SLC5A6: variants seen among roughly 807,000 people sequenced by gnomAD.
SLC5A6 encodes solute carrier family 5 member 6, also known as sodium-dependent multivitamin transporter.
SLC5A6 carries 31 observed loss-of-function variants against 67.9 expected under a neutral mutation model. The ratio of observed to expected loss-of-function variants is 0.46; its 90% CI spans 0.34 to 0.62. The LOEUF (loss-of-function observed/expected upper bound fraction) is 0.62, where lower values mean the gene tolerates loss of function less well. Among genes scored for constraint, SLC5A6 ranks in the 20% least tolerant of loss-of-function variants. The pLI is 0.01. For synonymous variants in SLC5A6, 343 were observed against 331.0 expected (o/e 1.04, Z -0.39); for missense variants, 673 against 812.8 (o/e 0.83, Z 2.09).
intron 12 of SLC5A6, 97 bp downstream of exon 12, chr2:27,202,716 C>T (rs897984952): frequency 1.5e-5 from 16 of 1,062,122 alleles, no homozygotes; most frequent in Non-Finnish European, 2.0e-5. Context: ...GCCTGCCCCC[C>T]GGTCATTCCC....
rs775143012 is a variant in SLC5A6, at chr2:27,200,421, G to A, written c.*15C>T. The A allele has an allele frequency of 2.5e-6, 4 of 1,602,588 alleles. No individual in the cohort carries two copies. The highest frequency in any genetic ancestry group is 2.6e-6 in the Non-Finnish European group (3 of 1,173,820). ...CCTGGCACAGTGAGGACAGAGGCGG[G>A]GTCCTGAGTCAACATCACAGGGAGG... On this transcript the variant is annotated 3_prime_UTR_variant, in exon 17 of 17. Coordinates refer to ENST00000310574, the MANE Select transcript of SLC5A6 (RefSeq NM_021095.4).
chr2:27,203,494 G>A (rs2580761), intron 10 of SLC5A6, 149 bp from the exon 11 acceptor site: 163,912 of 691,234 alleles, frequency 0.24, 21,201 homozygotes, highest in Admixed American at 0.42. Context: ...ACCTCAGAGC[G>A]GGCCTGGAAG....
Position 27,201,045 on chromosome 2 carries a change from G to A in SLC5A6, c.1717C>T (p.Leu573Phe), listed in dbSNP as rs61737373. ...AGCCGCTTCTGACAGGACAACGGAA[G>A]GAGGGACAGGAGCTTTGGCAACACT... ...YPVLPKLLSL[L>F]PLSCQKRLHC... The change falls in exon 16 of 17, where the codon CTT (leucine) becomes TTT (phenylalanine). Residue 573 changes from leucine to phenylalanine, a missense_variant. Leu to Phe is a conservative substitution (Grantham distance 22, BLOSUM62 0). Transcript: ENST00000310574. 92,092 of 1,613,550 alleles carry A rather than the reference G, an allele frequency of 0.057. 3,054 individuals are homozygous for A. Among genetic ancestry groups the A allele is most frequent in the South Asian group, 0.1 (9,265 of 90,966 alleles).
At chr2:27,211,023 CAAAATAAAAATA>C (rs996159724) in intron 2 of SLC5A6, among the ~76,000 whole-genome samples, 2 of 151,982 alleles carry the variant, frequency 1.3e-5, no homozygotes, top group African/African-American at 2.4e-5. Flanking sequence ...GACTCCGTCT[CAAAATAAAAATA>C]AAAATAAAAA....
Position 27,207,467 on chromosome 2 carries a change from C to T in SLC5A6, c.184G>A (p.Ala62Thr), listed in dbSNP as rs780438376. ...GRHTVGELLM[A>T]DRKMGCLPVA... ...GGAAGGCAGCCCATTTTGCGGTCCG[C>T]CATCAGCAGCTCACCAACAGTATGC... Residue 62 changes from alanine to threonine, a missense_variant, in exon 3 of 17, where the codon GCG becomes ACG. By Grantham distance (58) the Ala-to-Thr change is moderately conservative. Transcript: ENST00000310574. This position sits in a 1 kb window ranked among gnomAD's most constrained non-coding sequence, Gnocchi z 5.5. The T allele has an allele frequency of 9.3e-6, 15 of 1,614,102 alleles. No individual in the cohort carries two copies. Among genetic ancestry groups the T allele is most frequent in the Non-Finnish European group, 3.4e-6 (4 of 1,180,056 alleles).
Position 27,212,249 on chromosome 2 carries a change from A to G in SLC5A6, c.-437T>C. The G allele has an allele frequency of 6.4e-7, 1 of 1,560,788 alleles. No individual in the cohort carries two copies. The stretch of plus-strand genomic sequence containing the variant: ...CCACGAGCAGGAAAAGCCCCCAAGC[A>G]GCCCCAGGGCGACTGGACCGGGCCG... On this transcript the variant is annotated 5_prime_UTR_variant, in exon 1 of 17. Transcript: ENST00000310574.
intron 7 of SLC5A6, 44 bp downstream of exon 7, chr2:27,205,306 G>A (rs763449564): frequency 5.0e-6 from 8 of 1,592,876 alleles, no homozygotes; most frequent in Admixed American, 3.5e-5. Flanking sequence ...TGGGCTCAGC[G>A]CCCAGGCACT....
rs1674191125 is a variant in SLC5A6, at chr2:27,207,887, A to C, written c.-140-97T>G. 1 of 559,814 alleles carries C rather than the reference A, an allele frequency of 1.8e-6. No individual in the cohort carries two copies. Among genetic ancestry groups the C allele is most frequent in the Admixed American group, 3.2e-5 (1 of 31,622 alleles). 34.7% of individuals were successfully genotyped at this position (559,814 alleles called of 1,614,324 possible). On this transcript the variant is annotated intron_variant, in intron 2 of 16. Coordinates refer to ENST00000310574, the MANE Select transcript of SLC5A6 (RefSeq NM_021095.4). This position sits in a 1 kb window ranked among gnomAD's most constrained non-coding sequence, Gnocchi z 5.5. Reference sequence around the variant, plus strand: ...GCATGCCATCAGAAGTGGACCAGCCAGCATAGTGGTAGCCCTTCAAGGTCT... The same window carrying C: ...GCATGCCATCAGAAGTGGACCAGCCCGCATAGTGGTAGCCCTTCAAGGTCT...
chr2:27,210,242 G>C (rs917887432), intron 2 of SLC5A6, among the ~76,000 whole-genome samples: 1 of 152,194 alleles, frequency 6.6e-6, no homozygotes, highest in South Asian at 2.1e-4. Context: ...CCCCAGGGAA[G>C]ACAGGAAAAA....
rs770960154 is a variant in SLC5A6, at chr2:27,206,031, C to T, written c.574G>A (p.Ala192Thr). 1 of 1,613,296 alleles carries T rather than the reference C, an allele frequency of 6.2e-7. No individual in the cohort carries two copies. The highest frequency in any genetic ancestry group is 8.5e-7 in the Non-Finnish European group (1 of 1,179,262). ...ALGIVCTVYT[A>T]LGGLKAVIWT... ...CCACGGCTTACTGCACTTACCAGAG[C>T]TGTATAGACGGTACAGACAATGCCC... is the stretch of plus-strand genomic sequence containing the variant. The change falls in exon 6 of 17, where the codon GCT becomes ACT. Residue 192 changes from alanine to threonine, a missense_variant. Physicochemically the swap from Ala to Thr is moderately conservative, Grantham distance 58. Coordinates refer to ENST00000310574, the MANE Select transcript of SLC5A6 (RefSeq NM_021095.4).
At chr2:27,212,628 C>T (rs1206574992), upstream of SLC5A6, 16 of 1,413,380 alleles carry the variant, frequency 1.1e-5, no homozygotes, top group East Asian at 3.6e-4. Context: ...CAAGTACTCA[C>T]GTCGTGCAGG....
At chr2:27,205,313 C>A in intron 7 of SLC5A6, 37 bp downstream of exon 7, 1 of 1,600,892 alleles carries the variant, frequency 6.2e-7, no homozygotes, top group Admixed American at 1.7e-5. Flanking sequence ...AGCGCCCAGG[C>A]ACTGCAGACC....
chr2:27,207,772 T>C lies in SLC5A6; in HGVS notation c.-122A>G. On this transcript the variant is annotated 5_prime_UTR_variant, in exon 3 of 17. Transcript: ENST00000310574. The surrounding 1 kb of genome is among the most constrained non-coding windows in gnomAD (Gnocchi z 5.5). ...AGTCTCACAGTCTTCCTCCACGGAG[T>C]GATACTGTCCAGGGTGAGCTGCAAA... The C allele has an allele frequency of 2.2e-6, 2 of 908,120 alleles. No homozygotes were observed. Among genetic ancestry groups the C allele is most frequent in the Non-Finnish European group, 3.3e-6 (2 of 597,782 alleles). 56.3% of individuals were successfully genotyped at this position (908,120 alleles called of 1,614,324 possible).
chr2:27,201,556 T>G, intron 14 of SLC5A6, 103 bp from the exon 15 acceptor site: 2 of 1,353,628 alleles, frequency 1.5e-6, no homozygotes, highest in Non-Finnish European at 2.1e-6. Context: ...TGGGACCCAA[T>G]ACCCAACATT....
rs1276540929 is a variant in SLC5A6, at chr2:27,207,304, A to G, written c.347T>C (p.Ile116Thr). The G allele has an allele frequency of 1.2e-6, 2 of 1,613,936 alleles. No homozygotes were observed. The highest frequency in any genetic ancestry group is 2.7e-5 in the African/African-American group (2 of 74,926). ...CAGGCGGTAGAAAACGGGGATGAAG[A>G]TGTGTGCAGGTATCAGCAGCCCCAG... ...YFLGLLIPAHIFIPVFYRLHL... is the reference protein window; with the variant it reads ...YFLGLLIPAHTFIPVFYRLHL... The change falls in exon 3 of 17, where the codon ATC (isoleucine) becomes ACC (threonine). Residue 116 changes from isoleucine to threonine, a missense_variant. Physicochemically the swap from Ile to Thr is moderately conservative, Grantham distance 89. Coordinates refer to ENST00000310574, the MANE Select transcript of SLC5A6 (RefSeq NM_021095.4). This position sits in a 1 kb window ranked among gnomAD's most constrained non-coding sequence, Gnocchi z 5.5.
Position 27,201,129 on chromosome 2 carries a change from C to T in SLC5A6, c.1649-16G>A. ...CGCATTCTCCCTGAATGGAAATGTGCTTCTGAGTCTCTGGGTGGAACCATC... is the reference window on the plus strand; with the variant it reads ...CGCATTCTCCCTGAATGGAAATGTGTTTCTGAGTCTCTGGGTGGAACCATC... On this transcript the variant is annotated splice_polypyrimidine_tract_variant and intron_variant, in intron 15 of 16. Transcript: ENST00000310574. 1.3e-6 allele frequency: 2 copies of T among 1,585,750 alleles called. No individual in the cohort carries two copies. Among genetic ancestry groups the T allele is most frequent in the South Asian group, 1.1e-5 (1 of 89,488 alleles).
rs987347834 is a variant in SLC5A6, at chr2:27,207,206, C to T, written c.393+52G>A. On this transcript the variant is annotated intron_variant, in intron 3 of 16. Coordinates refer to ENST00000310574, the MANE Select transcript of SLC5A6 (RefSeq NM_021095.4). The surrounding 1 kb of genome is among the most constrained non-coding windows in gnomAD (Gnocchi z 5.5). ...GGTCCTTCCTATGTGCCTGTCCCTC[C>T]TCTCCACCCCAACCCGTGTCCCACG... is the stretch of plus-strand genomic sequence containing the variant. 2.5e-6 allele frequency: 4 copies of T among 1,588,170 alleles called. No individual in the cohort carries two copies. The Admixed American group carries it at 5.1e-5, about 20-fold the overall frequency.
intron 4 of SLC5A6, 25 bp downstream of exon 4, chr2:27,206,851 TC>T: frequency 6.3e-7 from 1 of 1,583,578 alleles, no homozygotes; most frequent in African/African-American, 1.3e-5. Flanking sequence ...TGCCCTAGGC[TC>T]GGTTTCTATC....
intron 2 of SLC5A6, among the ~76,000 whole-genome samples, chr2:27,209,978 T>C (rs1262300594): frequency 6.6e-6 from 1 of 152,186 alleles, no homozygotes; most frequent in African/African-American, 2.4e-5. Context: ...TGGCAAGTTT[T>C]TACTGCTATG....
Sources: allele counts gnomAD v4.1 joint callset (sites outside exome capture counted in the v4.1 genomes callset), GRCh38; gene constraint gnomAD v4.1.1; non-coding constraint Gnocchi (gnomAD v3.1); transcripts MANE v1.5; gene names NCBI Gene and HGNC (gene_info 2026-07-23, HGNC 2026-07-21).